UGT1A9: variants seen among roughly 807,000 people sequenced by gnomAD.
The protein encoded by UGT1A9 is UDP glucuronosyltransferase family 1 member A9.
Under a neutral mutation model 45.0 loss-of-function variants are expected in UGT1A9, and 35 were observed. The ratio of observed to expected loss-of-function variants is 0.78; its 90% CI spans 0.59 to 1.03. The LOEUF (loss-of-function observed/expected upper bound fraction) is 1.03, where lower values mean the gene tolerates loss of function less well. Ranked by LOEUF, UGT1A9 falls within the 50% of genes least tolerant of loss-of-function variation. The pLI, the probability that UGT1A9 is intolerant of heterozygous loss-of-function variation, is 0.00. For missense variants in UGT1A9, 687 were observed against 666.6 expected (o/e 1.03, Z -0.34); for synonymous variants, 278 against 250.6 (o/e 1.11, Z -1.03).
At chr2:233,699,067 C>G (rs918094960) in intron 1 of UGT1A9, among the ~76,000 whole-genome samples, 1 of 152,220 alleles carries the variant, frequency 6.6e-6, no homozygotes, top group African/African-American at 2.4e-5. Flanking sequence ...CCAGCCCTGC[C>G]CAGGGCCTTC....
intron 1 of UGT1A9, among the ~76,000 whole-genome samples, chr2:233,681,524 C>A: frequency 8.1e-6 from 1 of 123,972 alleles, no homozygotes; most frequent in African/African-American, 3.2e-5. Flanking sequence ...CAGTGAGACT[C>A]CATCTCAAAA....
At position 233,690,793 on chromosome 2, in the gene UGT1A9, A is replaced by C. The variant is rs2075015381; in HGVS notation, c.855+18004A>C. On this transcript the variant is annotated intron_variant, in intron 1 of 4. Transcript: ENST00000354728. ...CACACACATACACACACACACACAC[A>C]CACACACCATTCTTAGTACAGTCAA... is the stretch of plus-strand genomic sequence containing the variant. The C allele has an allele frequency of 3.5e-6, 4 of 1,142,860 alleles. No homozygotes were observed. The South Asian group carries it at 5.7e-5, about 16-fold the overall frequency. 70.8% of individuals were successfully genotyped at this position (1,142,860 alleles called of 1,614,324 possible). A position where few individuals can be genotyped will look rare whatever the true frequency, so the allele number is the denominator to read the frequency against.
intron 1 of UGT1A9, among the ~76,000 whole-genome samples, chr2:233,752,942 C>T (rs540473054): frequency 6.6e-6 from 1 of 152,310 alleles, no homozygotes; most frequent in South Asian, 2.1e-4. Context: ...CTTTGCTGAC[C>T]ACTGAACAAT....
chr2:233,676,216 G>A (rs993118721), intron 1 of UGT1A9, among the ~76,000 whole-genome samples: 3 of 152,082 alleles, frequency 2.0e-5, no homozygotes, highest in Non-Finnish European at 4.4e-5. Context: ...ATCCTTCACC[G>A]ATGGATTCAT....
intron 1 of UGT1A9, among the ~76,000 whole-genome samples, chr2:233,761,822 T>C (rs1451181524): frequency 6.6e-6 from 1 of 152,180 alleles, no homozygotes; most frequent in Non-Finnish European, 1.5e-5. Context: ...AGAGGCTCCT[T>C]CAGATGGAGC....
intron 1 of UGT1A9, among the ~76,000 whole-genome samples, chr2:233,712,058 A>T (rs1188921458): frequency 6.6e-6 from 1 of 152,228 alleles, no homozygotes; most frequent in African/African-American, 2.4e-5. Context: ...GCCTGACCAT[A>T]ATCTTCAGGA....
At chr2:233,681,948 C>G (rs896900111) in intron 1 of UGT1A9, 2 of 1,613,230 alleles carry the variant, frequency 1.2e-6, no homozygotes. Flanking sequence ...ATGGCTCGTG[C>G]AGGGTGGACT....
intron 1 of UGT1A9, among the ~76,000 whole-genome samples, chr2:233,730,664 G>A (rs11891311): frequency 0.41 from 62,447 of 151,822 alleles, 13,776 homozygotes; most frequent in African/African-American, 0.57. Context: ...GAGTTCGGAA[G>A]GCAAAGTAAT....
At chr2:233,747,186 C>G (rs1693584588) in intron 1 of UGT1A9, 2 of 1,602,976 alleles carry the variant, frequency 1.2e-6, no homozygotes, top group Non-Finnish European at 1.7e-6. Flanking sequence ...GTGGGGTGGA[C>G]AGTCAGCTGT....
intron 1 of UGT1A9, chr2:233,718,897 C>G (rs1667541971): frequency 8.1e-6 from 13 of 1,614,042 alleles, no homozygotes; most frequent in Non-Finnish European, 1.1e-5. Context: ...CAGCCCTGGG[C>G]TGAGAGTGGA....
At chr2:233,738,878 T>C (rs1427489972) in intron 1 of UGT1A9, 3 of 152,250 alleles carry the variant, frequency 2.0e-5, no homozygotes, top group Admixed American at 6.5e-5. Flanking sequence ...CTCCAGGGCA[T>C]GTCAGAGACC....
At chr2:233,738,189 CCTCT>C (rs563579368) in intron 1 of UGT1A9, among the ~76,000 whole-genome samples, 82 of 152,188 alleles carry the variant, frequency 5.4e-4, no homozygotes, top group Non-Finnish European at 1.0e-3. Context: ...CGTGTCTTTG[CCTCT>C]CTCTCACTTT....
chr2:233,756,691 G>A (rs1044916114), intron 1 of UGT1A9, among the ~76,000 whole-genome samples: 1 of 152,108 alleles, frequency 6.6e-6, no homozygotes, highest in Non-Finnish European at 1.5e-5. Flanking sequence ...ATATAATGAC[G>A]ATGAATTTTG....
At chr2:233,688,953 T>G (rs531606613) in intron 1 of UGT1A9, among the ~76,000 whole-genome samples, 139 of 152,230 alleles carry the variant, frequency 9.1e-4, no homozygotes, top group Non-Finnish European at 1.6e-3. Flanking sequence ...AAGCCAAATG[T>G]TTGGAATCAT....
chr2:233,748,079 G>A (rs1693856284), intron 1 of UGT1A9: 2 of 1,613,192 alleles, frequency 1.2e-6, no homozygotes, highest in Middle Eastern at 3.4e-4. Flanking sequence ...CACTATCTCA[G>A]GTCGGTGTTC....
intron 1 of UGT1A9, among the ~76,000 whole-genome samples, chr2:233,694,434 A>G (rs1178426313): frequency 6.6e-6 from 1 of 152,168 alleles, no homozygotes; most frequent in Admixed American, 6.5e-5. Flanking sequence ...CAAAGCCTAC[A>G]CATTTACTGA....
chr2:233,708,857 C>T (rs986114849), intron 1 of UGT1A9, among the ~76,000 whole-genome samples: 45 of 151,194 alleles, frequency 3.0e-4, no homozygotes, highest in African/African-American at 1.1e-3. Flanking sequence ...CTTTTTTAAT[C>T]TCTTTTATTG....
At chr2:233,768,166 A>G in intron 3 of UGT1A9, 54 bp from the exon 4 acceptor site, 2 of 1,613,684 alleles carry the variant, frequency 1.2e-6, no homozygotes, top group Non-Finnish European at 1.7e-6. Flanking sequence ...AGATGTGTCC[A>G]GCTGTGAAAC....
chr2:233,760,503 A>G, intron 1 of UGT1A9: 1 of 1,614,262 alleles, frequency 6.2e-7, no homozygotes, highest in Non-Finnish European at 8.5e-7. Flanking sequence ...GAGACGGAGC[A>G]TTTTACACCT....
Sources: gnomAD v4.1 joint callset for allele counts (sites outside exome capture counted in the v4.1 genomes callset) on GRCh38, gnomAD v4.1.1 for gene constraint, MANE v1.5 for transcripts, NCBI Gene and HGNC (gene_info 2026-07-23, HGNC 2026-07-21) for gene names.